The following LRFN5 variants were observed in gnomAD, a reference collection of about 807,000 sequenced individuals.
The protein encoded by LRFN5 is leucine rich repeat and fibronectin type III domain containing 5.
Under a neutral mutation model 45.6 loss-of-function variants are expected in LRFN5, and 24 were observed. The ratio of observed to expected loss-of-function variants is 0.53; its 90% CI spans 0.38 to 0.74. LRFN5 has a LOEUF of 0.74. LRFN5 is among the 30% of genes least tolerant of loss of function. The pLI is 0.00. For missense variants in LRFN5, 776 were observed against 861.5 expected, an observed-to-expected ratio of 0.90 and a Z score of 1.24; for synonymous variants, 340 against 313.8, an observed-to-expected ratio of 1.08 and a Z score of -0.88.
intron 2 of LRFN5, among the ~76,000 whole-genome samples, chr14:41,772,797 T>C (rs1886137242): frequency 6.6e-6 from 1 of 152,188 alleles, no homozygotes; most frequent in African/African-American, 2.4e-5. Flanking sequence ...TGAATCATTT[T>C]GTCATCTTTC....
At chr14:41,666,195 A>G (rs2138647768) in intron 1 of LRFN5, among the ~76,000 whole-genome samples, 1 of 152,158 alleles carries the variant, frequency 6.6e-6, no homozygotes, top group East Asian at 1.9e-4. Context: ...AATAAAACTG[A>G]TGAGTGATGT....
intron 1 of LRFN5, among the ~76,000 whole-genome samples, chr14:41,706,510 A>G (rs1883074820): frequency 6.6e-6 from 1 of 151,898 alleles, no homozygotes; most frequent in South Asian, 2.1e-4. Flanking sequence ...TGAGTCAAAG[A>G]TTCTGTTTAT....
intron 1 of LRFN5, among the ~76,000 whole-genome samples, chr14:41,751,601 C>G (rs1885134515): frequency 6.6e-6 from 1 of 151,924 alleles, no homozygotes; most frequent in African/African-American, 2.4e-5. Flanking sequence ...GGAAGTCTCT[C>G]CAAGCAGATG....
chr14:41,879,154 A>G (rs1890287161), intron 2 of LRFN5, among the ~76,000 whole-genome samples: 1 of 152,148 alleles, frequency 6.6e-6, no homozygotes, highest in African/African-American at 2.4e-5. Flanking sequence ...GATGATAAAA[A>G]GTAAATCAAG....
chr14:41,659,040 T>A (rs1184054114), intron 1 of LRFN5, among the ~76,000 whole-genome samples: 1 of 152,042 alleles, frequency 6.6e-6, no homozygotes, highest in African/African-American at 2.4e-5. Context: ...TCTTTTTATA[T>A]TTTTTATTAT....
intron 1 of LRFN5, among the ~76,000 whole-genome samples, chr14:41,749,228 C>G (rs1019298185): frequency 6.6e-6 from 1 of 152,040 alleles, no homozygotes; most frequent in African/African-American, 2.4e-5. Context: ...CGTATGCAAA[C>G]AGTAACAATC....
intron 1 of LRFN5, among the ~76,000 whole-genome samples, chr14:41,712,671 G>A (rs1240966340): frequency 6.6e-6 from 1 of 152,154 alleles, no homozygotes; most frequent in African/African-American, 2.4e-5. Flanking sequence ...GCAAGAAAGA[G>A]AAGGTGATTA....
chr14:41,650,400 A>G (rs1880054411), intron 1 of LRFN5, among the ~76,000 whole-genome samples: 2 of 152,162 alleles, frequency 1.3e-5, no homozygotes, highest in Non-Finnish European at 2.9e-5. Context: ...GGTTGAGGTC[A>G]ATATGTAATA....
chr14:41,749,889 C>T (rs976131618), intron 1 of LRFN5, among the ~76,000 whole-genome samples: 1 of 151,942 alleles, frequency 6.6e-6, no homozygotes, highest in Non-Finnish European at 1.5e-5. Context: ...TAAATCAATG[C>T]CAGAATTAAG....
In LRFN5 at chr14:41,833,043, C is replaced by A. The variant is rs1888540596; in HGVS notation, c.-20-53563C>A. Among the ~76,000 whole-genome samples, 4 of 152,176 alleles carry A rather than the reference C, an allele frequency of 2.6e-5. No individual in the cohort carries two copies. The South Asian group carries it at 8.3e-4, about 32-fold the overall frequency. On this transcript the variant is annotated intron_variant, in intron 2 of 5. Transcript: ENST00000298119. ...CCTGTGACCAGGTAGCTGGCTCCTCCCTATCAGGGAATCATGCCATATTAG... is the reference window on the plus strand; with the variant it reads ...CCTGTGACCAGGTAGCTGGCTCCTCACTATCAGGGAATCATGCCATATTAG...
intron 2 of LRFN5, among the ~76,000 whole-genome samples, chr14:41,860,905 T>C (rs760095729): frequency 3.3e-5 from 5 of 152,146 alleles, no homozygotes; most frequent in Non-Finnish European, 7.3e-5. Context: ...CAAAATGAAA[T>C]ACATTTAAAG....
chr14:41,771,322 C>T (rs1378796401), intron 2 of LRFN5, among the ~76,000 whole-genome samples: 3 of 151,838 alleles, frequency 2.0e-5, no homozygotes, highest in Non-Finnish European at 4.4e-5. Flanking sequence ...TAGCTCATGG[C>T]GTCCTTCTGG....
At chr14:41,833,284 G>T (rs770487737) in intron 2 of LRFN5, among the ~76,000 whole-genome samples, 74 of 152,294 alleles carry the variant, frequency 4.9e-4, no homozygotes, top group South Asian at 1.2e-3. Context: ...TTATCCACCT[G>T]ATTGTTAGGA....
intron 1 of LRFN5, among the ~76,000 whole-genome samples, chr14:41,702,087 T>G (rs1882862476): frequency 6.6e-6 from 1 of 152,160 alleles, no homozygotes; most frequent in Non-Finnish European, 1.5e-5. Context: ...GATCATGTAC[T>G]GATTAGGTAG....
intron 2 of LRFN5, among the ~76,000 whole-genome samples, chr14:41,781,562 AAG>A (rs1491326193): frequency 5.8e-5 from 1 of 17,258 alleles, no homozygotes; most frequent in African/African-American, 3.5e-4. Context: ...AAGAAAGAGA[AAG>A]AAAGAAAGAA....
chr14:41,815,091 T>C (rs553278566), intron 2 of LRFN5, among the ~76,000 whole-genome samples: 7 of 152,294 alleles, frequency 4.6e-5, no homozygotes, highest in African/African-American at 1.7e-4. Flanking sequence ...ACTAGGTCCT[T>C]ACTGATTTTC....
intron 1 of LRFN5, among the ~76,000 whole-genome samples, chr14:41,613,980 G>A (rs1461975555): frequency 1.3e-5 from 2 of 151,920 alleles, no homozygotes; most frequent in African/African-American, 4.8e-5. Context: ...ATTACCTCCC[G>A]AGTAATAGAA....
intron 2 of LRFN5, among the ~76,000 whole-genome samples, chr14:41,844,017 T>C (rs1888959930): frequency 6.6e-6 from 1 of 151,962 alleles, no homozygotes; most frequent in Non-Finnish European, 1.5e-5. Context: ...TGGAGGTGAA[T>C]AGATACTTCA....
At chr14:41,719,543 A>C (rs866370932) in intron 1 of LRFN5, among the ~76,000 whole-genome samples, 7 of 152,080 alleles carry the variant, frequency 4.6e-5, no homozygotes, top group African/African-American at 1.7e-4. Context: ...CTATGCCAAC[A>C]CTTAACACAC....
Sources: gnomAD v4.1 joint callset for allele counts (sites outside exome capture counted in the v4.1 genomes callset) on GRCh38, gnomAD v4.1.1 for gene constraint, MANE v1.5 for transcripts, NCBI Gene and HGNC (gene_info 2026-07-23, HGNC 2026-07-21) for gene names.